The following HSPA12A variants were observed in gnomAD, a reference collection of about 807,000 sequenced individuals.
The protein encoded by HSPA12A is heat shock protein family A (Hsp70) member 12A, also known as heat shock 70 kDa protein 12A.
In HSPA12A, 28 loss-of-function variants were observed where a neutral mutation model predicts 69.2. The ratio of observed to expected loss-of-function variants is 0.40; its 90% confidence interval spans 0.30 to 0.55. The LOEUF (loss-of-function observed/expected upper bound fraction) is 0.55. Among genes scored for constraint, HSPA12A ranks in the 20% least tolerant of loss-of-function variants. The probability of loss-of-function intolerance (pLI) is 0.38; values close to 1 mark genes in which losing one functional copy is unlikely to be tolerated. For missense variants in HSPA12A, 686 were observed against 900.7 expected (o/e 0.76, Z 3.05); for synonymous variants, 345 against 370.5 (o/e 0.93, Z 0.79).
At chr10:116,849,338 TAGG>T (rs1845979508) in intron 1 of HSPA12A, among the ~76,000 whole-genome samples, 1 of 152,074 alleles carries the variant, frequency 6.6e-6, no homozygotes, top group South Asian at 2.1e-4. Context: ...CTCGGGAGTC[TAGG>T]AGGAGCCCAA....
At chr10:116,726,033 A>ACACACACGCGCGCACACACACACC (rs1554884982) in intron 1 of HSPA12A, among the ~76,000 whole-genome samples, 2 of 146,694 alleles carry the variant, frequency 1.4e-5, no homozygotes, top group Non-Finnish European at 3.0e-5. Context: ...ACACGCACAC[A>ACACACACGCGCGCACACACACACC]CACACACACA....
At chr10:116,694,923 C>T (rs1413968338) in intron 5 of HSPA12A, among the ~76,000 whole-genome samples, 2 of 152,274 alleles carry the variant, frequency 1.3e-5, no homozygotes, top group East Asian at 1.9e-4. Flanking sequence ...GTCACCTTCC[C>T]GAACACCACC....
intron 2 of HSPA12A, among the ~76,000 whole-genome samples, chr10:116,763,817 A>G (rs1844022694): frequency 1.3e-5 from 2 of 152,242 alleles, no homozygotes; most frequent in Non-Finnish European, 1.5e-5. Flanking sequence ...CATAGACTGA[A>G]GCTTTATTTT....
At chr10:116,742,081 G>T (rs1037346187) in intron 1 of HSPA12A, among the ~76,000 whole-genome samples, 5 of 151,862 alleles carry the variant, frequency 3.3e-5, no homozygotes, top group Admixed American at 6.6e-5. Flanking sequence ...CATCGCGCGG[G>T]GGCTGCACAC....
At chr10:116,682,436 G>A (rs1004169493) in intron 7 of HSPA12A, among the ~76,000 whole-genome samples, 1 of 145,028 alleles carries the variant, frequency 6.9e-6, no homozygotes, top group Non-Finnish European at 1.5e-5. Context: ...TTCCTAACAT[G>A]CACCCTGGGT....
chr10:116,690,198 C>T (rs1031444754), intron 6 of HSPA12A, among the ~76,000 whole-genome samples: 1 of 152,188 alleles, frequency 6.6e-6, no homozygotes, highest in Non-Finnish European at 1.5e-5. Flanking sequence ...AAAGAGACTA[C>T]AGCAAAGTCT....
chr10:116,832,275 C>G (rs1437318030), intron 2 of HSPA12A: 4 of 152,230 alleles, frequency 2.6e-5, no homozygotes, highest in Admixed American at 6.5e-5. Flanking sequence ...TCAAGCGATT[C>G]TCCTGCCTCA....
intron 1 of HSPA12A, among the ~76,000 whole-genome samples, chr10:116,722,099 G>T (rs1554884435): frequency 6.6e-6 from 1 of 152,226 alleles, no homozygotes; most frequent in Admixed American, 6.5e-5. Flanking sequence ...TCCCTCCCAG[G>T]CGCAGGCCTG....
chr10:116,677,476 T>C (rs1849273891), intron 10 of HSPA12A, among the ~76,000 whole-genome samples: 1 of 152,218 alleles, frequency 6.6e-6, no homozygotes, highest in Admixed American at 6.5e-5. Flanking sequence ...GCAGCCTGTT[T>C]CTTAGTGGGA....
intron 5 of HSPA12A, among the ~76,000 whole-genome samples, chr10:116,693,663 T>C (rs1849801855): frequency 6.6e-6 from 1 of 152,168 alleles, no homozygotes; most frequent in African/African-American, 2.4e-5. Flanking sequence ...GCTGACACTG[T>C]CTCATTTTTC....
intron 2 of HSPA12A, among the ~76,000 whole-genome samples, chr10:116,827,318 C>T (rs1845526829): frequency 2.0e-5 from 3 of 152,206 alleles, no homozygotes; most frequent in African/African-American, 2.4e-5. Context: ...GGATAAGGCT[C>T]CCCAAGGTCT....
intron 1 of HSPA12A, among the ~76,000 whole-genome samples, chr10:116,711,879 G>C (rs1301058568): frequency 6.6e-6 from 1 of 151,614 alleles, no homozygotes; most frequent in Non-Finnish European, 1.5e-5. Context: ...AGTAGAGACA[G>C]GATTTCACTG....
Position 116,817,104 on chromosome 10 carries a change from C to G in HSPA12A, c.91+17831G>C, listed in dbSNP as rs566200904. ...TTCTTGCAACCTATACCCCTTCCCC[C>G]ACCCCACCATGCAGATTTACTTCAT... On this transcript the variant is annotated intron_variant, in intron 2 of 12. Transcript: ENST00000635765. 9.8e-5 allele frequency among the ~76,000 whole-genome samples: 15 copies of G among 152,292 alleles called. No homozygotes were observed. The East Asian group carries it at 2.9e-3, about 29-fold the overall frequency.
rs1554878304 is a variant in HSPA12A at position 116,679,694 on chromosome 10, C to T, written c.1095G>A (p.Glu365=). Residue 365 remains glutamate (E), a synonymous_variant, in exon 10 of 12, where the codon GAG becomes GAA. Coordinates refer to ENST00000369209, the MANE Select transcript of HSPA12A (RefSeq NM_025015.3). ...FEKLLYKIFG[E]DFIEQFKIKR... ...TGATTTTGAATTGTTCAATAAAATC[C>T]TCTCCAAATATTTTATACAGAAGTT... is the stretch of plus-strand genomic sequence containing the variant. 6.2e-7 allele frequency: 1 copy of T among 1,614,126 alleles called. No homozygotes were observed. Among genetic ancestry groups the T allele is most frequent in the Admixed American group, 1.7e-5 (1 of 60,028 alleles).
At chr10:116,692,128 C>G (rs1849753423) in intron 6 of HSPA12A, among the ~76,000 whole-genome samples, 2 of 152,290 alleles carry the variant, frequency 1.3e-5, no homozygotes, top group Middle Eastern at 3.4e-3. Flanking sequence ...GAAACCGAAC[C>G]CAGCTCTTGT....
At chr10:116,845,941 C>T (rs1050793457) in intron 1 of HSPA12A, among the ~76,000 whole-genome samples, 4 of 152,112 alleles carry the variant, frequency 2.6e-5, no homozygotes, top group South Asian at 2.1e-4. Context: ...CCTTGCACAC[C>T]AACTTTTCAA....
Position 116,679,578 on chromosome 10 carries a change from G to A in HSPA12A, c.1211C>T (p.Thr404Ile), listed in dbSNP as rs77942176. 1.2e-6 allele frequency: 2 copies of A among 1,614,250 alleles called. No individual in the cohort carries two copies. The highest frequency in any genetic ancestry group is 2.2e-5 in the East Asian group (1 of 44,884). Residue 404 changes from threonine to isoleucine, a missense_variant, in exon 10 of 12, where the codon ACC (threonine) becomes ATC (isoleucine). Transcript: ENST00000369209. Reference sequence around the variant, plus strand: ...GTAGTCAATGAAGGAGAAGGGCAGGGTGATGTTCAGCGGGTTAGTTCTGTC... The same window carrying A: ...GTAGTCAATGAAGGAGAAGGGCAGGATGATGTTCAGCGGGTTAGTTCTGTC... ...APDRTNPLNI[T>I]LPFSFIDYYK... is the part of the protein sequence containing the mutation.
chr10:116,756,861 G>A (rs1190687029), intron 2 of HSPA12A, among the ~76,000 whole-genome samples: 1 of 152,114 alleles, frequency 6.6e-6, no homozygotes. Context: ...ATGAATTGAG[G>A]GTGGGCCAGT....
At chr10:116,727,096 C>G (rs1442647860) in intron 1 of HSPA12A, among the ~76,000 whole-genome samples, 1 of 152,188 alleles carries the variant, frequency 6.6e-6, no homozygotes, top group African/African-American at 2.4e-5. Context: ...CTACTATATT[C>G]AATTCATAAA....
Sources: gnomAD v4.1 joint callset for allele counts (sites outside exome capture counted in the v4.1 genomes callset) on GRCh38, gnomAD v4.1.1 for gene constraint, MANE v1.5 for transcripts, NCBI Gene and HGNC (gene_info 2026-07-23, HGNC 2026-07-21) for gene names.